RIMS1: variants seen among roughly 807,000 people sequenced by gnomAD.
The protein encoded by RIMS1 is regulating synaptic membrane exocytosis 1, also known as regulating synaptic membrane exocytosis protein 1.
RIMS1 carries 83 observed loss-of-function variants against 214.1 expected under a neutral mutation model. That is an observed-to-expected ratio of 0.39 (90% confidence interval 0.32 to 0.47). The LOEUF is 0.47. RIMS1 is among the 20% of genes least tolerant of loss of function. The pLI is 0.99. For synonymous variants in RIMS1, 793 were observed against 786.8 expected, an observed-to-expected ratio of 1.01 and a Z score of -0.13; for missense variants, 2,050 against 2,161.8, an observed-to-expected ratio of 0.95 and a Z score of 1.03.
At chr6:71,949,043 G>A (rs1218382391) in intron 1 of RIMS1, among the ~76,000 whole-genome samples, 1 of 152,164 alleles carries the variant, frequency 6.6e-6, no homozygotes, top group Non-Finnish European at 1.5e-5. Flanking sequence ...AGGCTGCCTT[G>A]TCCCTGGTGA....
intron 29 of RIMS1, among the ~76,000 whole-genome samples, chr6:72,361,240 G>A (rs959313714): frequency 6.6e-6 from 1 of 150,988 alleles, no homozygotes. Context: ...CAAGTAGCTG[G>A]GATTACAGGC....
At chr6:72,207,259 C>T (rs2053084877) in intron 6 of RIMS1, among the ~76,000 whole-genome samples, 1 of 152,014 alleles carries the variant, frequency 6.6e-6, no homozygotes, top group East Asian at 1.9e-4. Flanking sequence ...ATAGAGAGGA[C>T]AACAGGTGGA....
chr6:72,017,743 G>A (rs1360846100), intron 2 of RIMS1, among the ~76,000 whole-genome samples: 3 of 152,174 alleles, frequency 2.0e-5, no homozygotes, highest in Admixed American at 1.3e-4. Flanking sequence ...AAAGAGAATA[G>A]GGGCAGGGAG....
intron 6 of RIMS1, among the ~76,000 whole-genome samples, chr6:72,227,654 T>C (rs1387061058): frequency 6.6e-6 from 1 of 151,998 alleles, no homozygotes; most frequent in Non-Finnish European, 1.5e-5. Flanking sequence ...TTTCCTTGCC[T>C]GTGTCCTAAA....
chr6:71,975,798 A>G (rs919883332), intron 2 of RIMS1, among the ~76,000 whole-genome samples: 3 of 152,072 alleles, frequency 2.0e-5, no homozygotes, highest in African/African-American at 7.2e-5. Flanking sequence ...TATTCTGAAC[A>G]TTTCCTATAA....
At chr6:72,383,741 G>A (rs1473405421) in intron 29 of RIMS1, among the ~76,000 whole-genome samples, 1 of 151,640 alleles carries the variant, frequency 6.6e-6, no homozygotes, top group Admixed American at 6.6e-5. Context: ...AGTAAGCTGT[G>A]ATCACACCAC....
At chr6:72,268,786 T>C (rs528351177) in intron 22 of RIMS1, among the ~76,000 whole-genome samples, 5 of 152,324 alleles carry the variant, frequency 3.3e-5, no homozygotes, top group African/African-American at 1.2e-4. Context: ...ATTACACAGA[T>C]GGAAAACATG....
intron 4 of RIMS1, among the ~76,000 whole-genome samples, chr6:72,139,895 T>A (rs551543848): frequency 6.6e-6 from 1 of 152,276 alleles, no homozygotes; most frequent in African/African-American, 2.4e-5. Flanking sequence ...TAGCTTAAAA[T>A]TAATTAAAGG....
intron 2 of RIMS1, among the ~76,000 whole-genome samples, chr6:72,004,984 T>A (rs1173388547): frequency 2.0e-5 from 3 of 151,996 alleles, no homozygotes; most frequent in Non-Finnish European, 2.9e-5. Context: ...GGTTTTCTTC[T>A]AGGGTTTTTA....
chr6:71,951,585 G>C (rs755022709), intron 1 of RIMS1, among the ~76,000 whole-genome samples: 1 of 149,934 alleles, frequency 6.7e-6, no homozygotes, highest in African/African-American at 2.5e-5. Context: ...TGACCTTCTG[G>C]GCTCAAAGGA....
chr6:72,186,211 G>A (rs2049072780), intron 6 of RIMS1, among the ~76,000 whole-genome samples: 1 of 152,206 alleles, frequency 6.6e-6, no homozygotes, highest in South Asian at 2.1e-4. Context: ...TGTTATTCAA[G>A]CATCAACTGT....
chr6:72,199,422 T>G (rs369502840), intron 6 of RIMS1, among the ~76,000 whole-genome samples: 27 of 152,084 alleles, frequency 1.8e-4, no homozygotes, highest in African/African-American at 6.5e-4. Flanking sequence ...GGTTCTAGGG[T>G]ATTTAGATGT....
At chr6:72,003,891 T>A (rs992693284) in intron 2 of RIMS1, among the ~76,000 whole-genome samples, 1 of 151,986 alleles carries the variant, frequency 6.6e-6, no homozygotes, top group African/African-American at 2.4e-5. Context: ...TATTATACTT[T>A]AAGTTTTAGG....
chr6:72,233,297 GTATGT>G (rs1250787491), intron 6 of RIMS1, among the ~76,000 whole-genome samples: 3 of 151,784 alleles, frequency 2.0e-5, no homozygotes, highest in Admixed American at 6.6e-5. Flanking sequence ...CCCAAAAAAT[GTATGT>G]TATGTTTTTT....
In RIMS1 at chr6:72,037,188, G is replaced by T. The variant is rs551516003; in HGVS notation, c.246-59761G>T. Among the ~76,000 whole-genome samples, 19 of 152,110 alleles carry T rather than the reference G, an allele frequency of 1.2e-4. 1 individual carries two copies. In the South Asian group the frequency reaches 3.7e-3, roughly 30 times the overall value. On this transcript the variant is annotated intron_variant, in intron 2 of 33. Transcript: ENST00000521978. ...CATTCTATTTTGGCATGTGGCTGAG[G>T]TGACGGGAGGATTTTAGCAGCTCGT...
intron 1 of RIMS1, among the ~76,000 whole-genome samples, chr6:71,910,718 A>G (rs1002440866): frequency 2.0e-5 from 3 of 152,160 alleles, no homozygotes; most frequent in African/African-American, 7.2e-5. Flanking sequence ...GTGCACACAC[A>G]GGGAACAAAG....
intron 6 of RIMS1, chr6:72,212,944 C>T: frequency 7.2e-7 from 1 of 1,393,660 alleles, no homozygotes; most frequent in Non-Finnish European, 9.3e-7. Context: ...CTTTCTTGTT[C>T]TCACACCAAT....
intron 28 of RIMS1, among the ~76,000 whole-genome samples, chr6:72,332,475 A>G (rs2096699460): frequency 6.9e-6 from 1 of 144,186 alleles, no homozygotes; most frequent in Admixed American, 7.2e-5. Flanking sequence ...CATAGATGGG[A>G]ATTGAACAAT....
chr6:72,078,982 A>G (rs1394364684), intron 2 of RIMS1, among the ~76,000 whole-genome samples: 1 of 152,216 alleles, frequency 6.6e-6, no homozygotes, highest in Non-Finnish European at 1.5e-5. Context: ...TCACGTTTGT[A>G]TAACTTCCTA....
Sources: gnomAD v4.1 joint callset for allele counts (sites outside exome capture counted in the v4.1 genomes callset) on GRCh38, gnomAD v4.1.1 for gene constraint, MANE v1.5 for transcripts, NCBI Gene and HGNC (gene_info 2026-07-23, HGNC 2026-07-21) for gene names.